Variants in PDSS2 observed in about 807,000 individuals in gnomAD.
The protein encoded by PDSS2 is decaprenyl diphosphate synthase subunit 2, also known as all trans-polyprenyl-diphosphate synthase PDSS2.
PDSS2 carries 31 observed loss-of-function variants against 44.5 expected under a neutral mutation model. The observed-to-expected ratio is 0.70, with a 90% CI of 0.52 to 0.94. The LOEUF (loss-of-function observed/expected upper bound fraction) is 0.94, where lower values mean the gene tolerates loss of function less well. Ranked by LOEUF, PDSS2 falls within the 40% of genes least tolerant of loss-of-function variation. The pLI is 0.00. For missense variants in PDSS2, 452 were observed against 482.2 expected (o/e 0.94, Z 0.59); for synonymous variants, 157 against 180.3 (o/e 0.87, Z 1.03).
intron 1 of PDSS2, among the ~76,000 whole-genome samples, chr6:107,364,377 C>T (rs961527599): frequency 2.0e-5 from 3 of 151,388 alleles, no homozygotes; most frequent in Non-Finnish European, 4.4e-5. Flanking sequence ...TGCAGGTCCC[C>T]AGCCCTGCCC....
At chr6:107,260,033 A>G (rs1389718661) in intron 3 of PDSS2, among the ~76,000 whole-genome samples, 1 of 152,204 alleles carries the variant, frequency 6.6e-6, no homozygotes, top group African/African-American at 2.4e-5. Flanking sequence ...AGCCATAGGA[A>G]TGACAACAAA....
chr6:107,156,246 C>A lies in PDSS2; in HGVS notation c.1042-1469G>T, dbSNP rs141518687. Among the ~76,000 whole-genome samples the A allele has an allele frequency of 4.3e-3, 616 of 141,886 alleles. 3 individuals carry two copies. The highest frequency in any genetic ancestry group is 8.3e-3 in the Admixed American group (109 of 13,182). The allele number at this position is 141,886 out of a possible 152,430, so 93.1% of individuals were successfully genotyped here. ...ATGGAGTCTCGCTCTGTCACCCAGG[C>A]TGGGATGCAGCTATCTCAGCTCACT... On this transcript the variant is annotated intron_variant, in intron 7 of 7. Coordinates refer to ENST00000369037, the MANE Select transcript of PDSS2 (RefSeq NM_020381.4).
At chr6:107,424,734 T>C (rs541640418) in intron 1 of PDSS2, among the ~76,000 whole-genome samples, 3 of 152,324 alleles carry the variant, frequency 2.0e-5, no homozygotes, top group Admixed American at 6.5e-5. Flanking sequence ...GAAACGACCA[T>C]CATTTAACAA....
At chr6:107,417,609 A>C in intron 1 of PDSS2, among the ~76,000 whole-genome samples, 1 of 152,070 alleles carries the variant, frequency 6.6e-6, no homozygotes. Context: ...AAATACAAAA[A>C]ATTAGCTGGG....
At chr6:107,280,645 C>T (rs1775930030) in intron 2 of PDSS2, among the ~76,000 whole-genome samples, 1 of 152,128 alleles carries the variant, frequency 6.6e-6, no homozygotes, top group South Asian at 2.1e-4. Context: ...TGTGTTTGCG[C>T]CACTGCACTC....
At chr6:107,313,281 TA>T (rs1334027083) in intron 2 of PDSS2, among the ~76,000 whole-genome samples, 1 of 152,200 alleles carries the variant, frequency 6.6e-6, no homozygotes, top group Non-Finnish European at 1.5e-5. Context: ...ACAATAAAAA[TA>T]TTTTTTAGAA....
chr6:107,431,825 C>A (rs1411019047), intron 1 of PDSS2, among the ~76,000 whole-genome samples: 2 of 152,178 alleles, frequency 1.3e-5, no homozygotes, highest in African/African-American at 4.8e-5. Context: ...ATCCTCATTA[C>A]AATCCTGTGA....
chr6:107,201,390 C>CAAAAAAAAAAAAA lies in PDSS2; in HGVS notation c.1009-7549_1009-7537dup, dbSNP rs747612959. 6.8e-3 allele frequency among the ~76,000 whole-genome samples: 356 copies of CAAAAAAAAAAAAA among 51,994 alleles called. 11 individuals carry two copies. Among genetic ancestry groups the CAAAAAAAAAAAAA allele is most frequent in the East Asian group, 0.01 (13 of 1,290 alleles). 34.1% of individuals were successfully genotyped at this position (51,994 alleles called of 152,430 possible). ...TGTAAAACAATATTCCATACAAAAG[C>CAAAAAAAAAAAAA]AAAAAAAAAAAAAAAAAAAAAAAAG... On this transcript the variant is annotated intron_variant, in intron 6 of 7. Coordinates refer to ENST00000369037, the MANE Select transcript of PDSS2 (RefSeq NM_020381.4).
At chr6:107,248,251 C>T (rs961945899) in intron 3 of PDSS2, among the ~76,000 whole-genome samples, 1 of 151,912 alleles carries the variant, frequency 6.6e-6, no homozygotes, top group Non-Finnish European at 1.5e-5. Context: ...TGAGGAGTGA[C>T]ATGTTCAGGC....
At chr6:107,241,034 A>G (rs1161737688) in intron 4 of PDSS2, among the ~76,000 whole-genome samples, 1 of 151,968 alleles carries the variant, frequency 6.6e-6, no homozygotes, top group Non-Finnish European at 1.5e-5. Flanking sequence ...GGGTCGCTTG[A>G]GGCCAGGAGT....
chr6:107,315,708 C>T (rs889914346), intron 2 of PDSS2, among the ~76,000 whole-genome samples: 2 of 152,182 alleles, frequency 1.3e-5, no homozygotes, highest in South Asian at 2.1e-4. Context: ...GCAATAATTG[C>T]TGTCCCAGAA....
chr6:107,301,794 T>C lies in PDSS2; in HGVS notation c.432-27567A>G, dbSNP rs552493239. 2.6e-5 allele frequency among the ~76,000 whole-genome samples: 4 copies of C among 152,008 alleles called. No homozygotes were observed. In the East Asian group the frequency reaches 5.8e-4, roughly 22 times the overall value. ...TTGACCAACATGGTGAAACCTCATC[T>C]CTACTAAAATTACAAAAATTAGCCA... On this transcript the variant is annotated intron_variant, in intron 2 of 7. Transcript: ENST00000369037.
At chr6:107,286,474 C>T (rs971903738) in intron 2 of PDSS2, among the ~76,000 whole-genome samples, 1 of 151,862 alleles carries the variant, frequency 6.6e-6, no homozygotes, top group African/African-American at 2.4e-5. Flanking sequence ...TGCACCACTG[C>T]ACTCCAGCCT....
chr6:107,235,900 C>T (rs1456665192), intron 4 of PDSS2, among the ~76,000 whole-genome samples: 1 of 151,750 alleles, frequency 6.6e-6, no homozygotes, highest in East Asian at 1.9e-4. Flanking sequence ...TGAAATGATC[C>T]AAAATGAATC....
At chr6:107,198,324 G>A (rs779015691) in intron 6 of PDSS2, among the ~76,000 whole-genome samples, 3 of 152,176 alleles carry the variant, frequency 2.0e-5, no homozygotes, top group Non-Finnish European at 4.4e-5. Context: ...TTTGAAAGCT[G>A]AGAGAGTAGA....
intron 7 of PDSS2, among the ~76,000 whole-genome samples, chr6:107,160,882 AG>A (rs1350355446): frequency 1.3e-5 from 2 of 151,942 alleles, no homozygotes; most frequent in African/African-American, 4.8e-5. Flanking sequence ...CTGGGATTAC[AG>A]GCGTGCCACC....
At chr6:107,446,743 C>T (rs532957993) in intron 1 of PDSS2, among the ~76,000 whole-genome samples, 3 of 152,250 alleles carry the variant, frequency 2.0e-5, no homozygotes, top group African/African-American at 7.2e-5. Flanking sequence ...ATAAAACCAT[C>T]AGATCTCATG....
chr6:107,233,129 T>C (rs917879818), intron 4 of PDSS2, among the ~76,000 whole-genome samples: 3 of 152,210 alleles, frequency 2.0e-5, no homozygotes, highest in African/African-American at 7.2e-5. Context: ...ATAGTTTCTA[T>C]TGATTCATTT....
chr6:107,429,905 T>TATATAC lies in PDSS2; in HGVS notation c.296+29084_296+29085insGTATAT, dbSNP rs1781133807. On this transcript the variant is annotated intron_variant, in intron 1 of 7. Transcript: ENST00000369037. ...GTCTCAAAAAAAAAAAAAAAAAATATATATATATATATATATATATATATA... is the reference window on the plus strand; with the variant it reads ...GTCTCAAAAAAAAAAAAAAAAAATATATATACATATATATATATATATATATATATA... 1.8e-4 allele frequency among the ~76,000 whole-genome samples: 3 copies of TATATAC among 16,396 alleles called. 1 individual carries two copies. The highest frequency in any genetic ancestry group is 5.6e-3 in the South Asian group (2 of 358). 10.8% of individuals were successfully genotyped at this position (16,396 alleles called of 152,430 possible).
Sources: gnomAD v4.1 joint callset for allele counts (sites outside exome capture counted in the v4.1 genomes callset) on GRCh38, gnomAD v4.1.1 for gene constraint, MANE v1.5 for transcripts, NCBI Gene and HGNC (gene_info 2026-07-23, HGNC 2026-07-21) for gene names.